Variants in RRM2 observed in about 807,000 individuals in gnomAD.
The protein encoded by RRM2 is ribonucleoside-diphosphate reductase subunit M2.
Under a neutral mutation model 45.9 loss-of-function variants are expected in RRM2, and 6 were observed. The observed-to-expected ratio is 0.13, with a 90% CI of 0.07 to 0.26. RRM2 has a LOEUF of 0.26. Among genes scored for constraint, RRM2 ranks in the 10% least tolerant of loss-of-function variants. RRM2 has a pLI of 1.00. For missense variants in RRM2, 343 were observed against 489.5 expected (o/e 0.70, Z 2.82); for synonymous variants, 177 against 173.0 (o/e 1.02, Z -0.18).
chr2:10,145,071 G>A (rs1002763397), intron 3 of RRM2, among the ~76,000 whole-genome samples: 6 of 152,126 alleles, frequency 3.9e-5, no homozygotes, highest in Non-Finnish European at 7.4e-5. Flanking sequence ...TGGAAGCTGC[G>A]GGAGGGAAAG....
intron 3 of RRM2, among the ~76,000 whole-genome samples, chr2:10,189,004 C>G (rs979864394): frequency 6.6e-6 from 1 of 152,180 alleles, no homozygotes; most frequent in African/African-American, 2.4e-5. Context: ...GCTGCTGCCT[C>G]CCACACATCA....
At position 10,122,756 on chromosome 2, in the gene RRM2, C is replaced by T. The variant is rs370295524; in HGVS notation, c.-43C>T. 1.1e-4 allele frequency: 175 copies of T among 1,559,080 alleles called. No individual in the cohort carries two copies. In the African/African-American group the frequency reaches 1.7e-3, roughly 15 times the overall value. ...GGTCGCCCGTGCACCCTGTCCCAGC[C>T]GTCCTGTCCTGGCTGCTCGCTCTGC... On this transcript the variant is annotated 5_prime_UTR_variant, in exon 1 of 10. Coordinates refer to ENST00000304567, the MANE Select transcript of RRM2 (RefSeq NM_001034.4).
At chr2:10,178,772 A>G (rs1558398858) in intron 3 of RRM2, among the ~76,000 whole-genome samples, 1 of 152,180 alleles carries the variant, frequency 6.6e-6, no homozygotes, top group Non-Finnish European at 1.5e-5. Context: ...ACCCAATATA[A>G]TAGTTTTAAG....
intron 3 of RRM2, chr2:10,198,668 G>A (rs1022041146): frequency 3.9e-5 from 6 of 152,106 alleles, no homozygotes; most frequent in Admixed American, 6.5e-5. Context: ...AAAGAAACAC[G>A]AAAAGTGGCT....
Position 10,127,163 on chromosome 2 carries a change from G to A in RRM2, c.741G>A (p.Lys247=), listed in dbSNP as rs747028003. 1 of 1,614,184 alleles carries A rather than the reference G, an allele frequency of 6.2e-7. No individual in the cohort carries two copies. Among genetic ancestry groups the A allele is most frequent in the East Asian group, 2.2e-5 (1 of 44,888 alleles). Reference sequence around the variant, plus strand: ...CTTTTGCGTCGATATTCTGGCTCAAGAAACGAGGACTGATGCCTGGCCTCA... The same window carrying A: ...CTTTTGCGTCGATATTCTGGCTCAAAAAACGAGGACTGATGCCTGGCCTCA... ...SGSFASIFWL[K]KRGLMPGLTF... Residue 247 remains lysine, a synonymous_variant, in exon 7 of 10, where the codon AAG becomes AAA. Coordinates refer to ENST00000304567, the MANE Select transcript of RRM2 (RefSeq NM_001034.4). The surrounding 1 kb of genome is among the most constrained non-coding windows in gnomAD (Gnocchi z 4.1).
At chr2:10,160,613 G>C (rs904268847) in intron 3 of RRM2, among the ~76,000 whole-genome samples, 1 of 152,158 alleles carries the variant, frequency 6.6e-6, no homozygotes, top group African/African-American at 2.4e-5. Flanking sequence ...ATTCACCATA[G>C]AGGTTTGGGT....
chr2:10,177,788 A>G (rs1483768009), intron 3 of RRM2, among the ~76,000 whole-genome samples: 1 of 145,172 alleles, frequency 6.9e-6, no homozygotes, highest in Non-Finnish European at 1.5e-5. Flanking sequence ...CGTCTGTTTA[A>G]TTTTTGTATT....
At chr2:10,184,091 T>TAAAAAAA (rs60421650) in intron 3 of RRM2, among the ~76,000 whole-genome samples, 1,290 of 30,626 alleles carry the variant, frequency 0.042, 231 homozygotes, top group Non-Finnish European at 0.06. Context: ...AGACTCCATC[T>TAAAAAAA]AAAAAAAAAA....
chr2:10,159,576 A>G (rs1404140433), intron 3 of RRM2, among the ~76,000 whole-genome samples: 1 of 152,240 alleles, frequency 6.6e-6, no homozygotes, highest in South Asian at 2.1e-4. Context: ...TTTTTCAAAC[A>G]GGATTTTAAT....
chr2:10,167,134 G>A (rs996450392), intron 3 of RRM2, among the ~76,000 whole-genome samples: 1 of 152,182 alleles, frequency 6.6e-6, no homozygotes, highest in Non-Finnish European at 1.5e-5. Context: ...CGCCTCGACT[G>A]CCACTCTCCC....
At chr2:10,155,800 C>A (rs1192888339) in intron 3 of RRM2, 2 of 152,266 alleles carry the variant, frequency 1.3e-5, no homozygotes, top group African/African-American at 4.8e-5. Context: ...GAGCTGCGTC[C>A]CCTCCCTGGG....
At position 10,123,750 on chromosome 2, in the gene RRM2, G is replaced by A. The variant is rs1207943630; in HGVS notation, c.333G>A (p.Lys111=). ...CCGAACCTCAGGTGGACCTCTCCAA[G>A]GACATTCAGCACTGGGAATCCCTGA... is the stretch of plus-strand genomic sequence containing the variant. ...FWTAEEVDLS[K]DIQHWESLKP... Residue 111 remains lysine, a synonymous_variant, in exon 4 of 10, where the codon AAG becomes AAA. Coordinates refer to ENST00000304567, the MANE Select transcript of RRM2 (RefSeq NM_001034.4). 11 of 1,605,598 alleles carry A rather than the reference G, an allele frequency of 6.9e-6. No homozygotes were observed. The highest frequency in any genetic ancestry group is 2.2e-5 in the East Asian group (1 of 44,846).
At chr2:10,134,212 C>T (rs7572648), downstream of RRM2, among the ~76,000 whole-genome samples, 46 of 151,138 alleles carry the variant, frequency 3.0e-4, 1 homozygote, top group African/African-American at 9.5e-4. Flanking sequence ...ATGATCACCT[C>T]CTGGGAAAGG....
At chr2:10,122,672 G>T, upstream of RRM2, 1 of 1,550,334 alleles carries the variant, frequency 6.5e-7, no homozygotes. Flanking sequence ...GGGCACCAAA[G>T]CCAATGGGAA....
Position 10,185,057 on chromosome 2 carries a change from A to G in RRM2, n.483-25254A>G, listed in dbSNP as rs1664137225. On this transcript the variant is annotated intron_variant and non_coding_transcript_variant, in intron 3 of 3. Coordinates refer to the RRM2 transcript ENST00000381786. The surrounding 1 kb of genome is among the most constrained non-coding windows in gnomAD (Gnocchi z 4.3). ...CTGGTTTCTTTGATCTATTTATAAA[A>G]ATGAATATTTATAGCAAATCCTGTA... Among the ~76,000 whole-genome samples, 1 of 152,202 alleles carries G rather than the reference A, an allele frequency of 6.6e-6. No homozygotes were observed. The highest frequency in any genetic ancestry group is 2.4e-5 in the African/African-American group (1 of 41,442).
At chr2:10,153,563 G>A (rs1273400527) in intron 3 of RRM2, among the ~76,000 whole-genome samples, 2 of 152,064 alleles carry the variant, frequency 1.3e-5, no homozygotes, top group Non-Finnish European at 1.5e-5. Flanking sequence ...CATATAGGCC[G>A]AGGTTTCTGT....
downstream of RRM2, among the ~76,000 whole-genome samples, chr2:10,133,254 A>G (rs1662931743): frequency 6.6e-6 from 1 of 152,236 alleles, no homozygotes; most frequent in South Asian, 2.1e-4. Context: ...TGTTCTAGAC[A>G]TGCTGTGTAA....
At position 10,127,615 on chromosome 2, in the gene RRM2, T is replaced by C. The variant is rs1400777878; in HGVS notation, c.798+395T>C. ...TCAGCCTCCCAAGTAGCTGGGATTG[T>C]AGGTGCCTGCCACCATGCCCAGCTA... On this transcript the variant is annotated intron_variant, in intron 7 of 9. Coordinates refer to ENST00000304567, the MANE Select transcript of RRM2 (RefSeq NM_001034.4). This position sits in a 1 kb window ranked among gnomAD's most constrained non-coding sequence, Gnocchi z 4.1. Among the ~76,000 whole-genome samples, 2 of 152,008 alleles carry C rather than the reference T, an allele frequency of 1.3e-5. No homozygotes were observed. Among genetic ancestry groups the C allele is most frequent in the Non-Finnish European group, 2.9e-5 (2 of 67,986 alleles).
At chr2:10,183,786 C>T (rs1232984185) in intron 3 of RRM2, among the ~76,000 whole-genome samples, 8 of 139,648 alleles carry the variant, frequency 5.7e-5, no homozygotes, top group Admixed American at 5.3e-4. Flanking sequence ...CGGAGTGAGA[C>T]TCTGTTTCAA....
Sources: allele counts gnomAD v4.1 joint callset (sites outside exome capture counted in the v4.1 genomes callset), GRCh38; gene constraint gnomAD v4.1.1; non-coding constraint Gnocchi (gnomAD v3.1); transcripts MANE v1.5; gene names NCBI Gene and HGNC (gene_info 2026-07-23, HGNC 2026-07-21).